Variants in SCARA3 observed in about 807,000 individuals in gnomAD.
SCARA3 encodes scavenger receptor class A member 3.
SCARA3 carries 39 observed loss-of-function variants against 47.0 expected under a neutral mutation model. The observed-to-expected ratio is 0.83, with a 90% CI of 0.64 to 1.08. The LOEUF (loss-of-function observed/expected upper bound fraction) is 1.08. Among genes scored for constraint, SCARA3 ranks in the 50% least tolerant of loss-of-function variants. The pLI is 0.00. For synonymous variants in SCARA3, 356 were observed against 334.1 expected (o/e 1.07, Z -0.71); for missense variants, 724 against 792.3 (o/e 0.91, Z 1.04).
the SCARA3 span, among the ~76,000 whole-genome samples, chr8:27,684,922 T>TA: frequency 6.6e-5 from 10 of 150,610 alleles, no homozygotes; most frequent in South Asian, 2.1e-4. Context: ...TTAATTAATG[T>TA]AAAAAAAAAG....
the SCARA3 span, among the ~76,000 whole-genome samples, chr8:27,711,605 A>T: frequency 6.6e-6 from 1 of 152,214 alleles, no homozygotes; most frequent in Non-Finnish European, 1.5e-5. Flanking sequence ...TAATCTAGGT[A>T]TAGGAAGTAC....
chr8:27,655,878 A>C (rs1020364476), intron 3 of SCARA3, among the ~76,000 whole-genome samples: 7 of 152,212 alleles, frequency 4.6e-5, no homozygotes, highest in Non-Finnish European at 8.8e-5. Flanking sequence ...CTGATAAAGC[A>C]GCATCAAAGA....
At chr8:27,661,407 TA>T (rs1241465909) in intron 5 of SCARA3, among the ~76,000 whole-genome samples, 1 of 152,210 alleles carries the variant, frequency 6.6e-6, no homozygotes, top group Non-Finnish European at 1.5e-5. Context: ...TTCTTTTGCT[TA>T]TACCCTGTAA....
intron 1 of SCARA3, among the ~76,000 whole-genome samples, chr8:27,634,788 G>C (rs886726246): frequency 2.6e-5 from 4 of 152,182 alleles, no homozygotes; most frequent in Admixed American, 6.5e-5. Context: ...GGCCAGGACT[G>C]ACCTCTCCCC....
rs1479541618 is a variant in SCARA3 at position 27,671,706 on chromosome 8, GCATGCACACATACA to G, written c.*366_*379del. 11 of 1,056,640 alleles carry G rather than the reference GCATGCACACATACA, an allele frequency of 1.0e-5. No homozygotes were observed. The highest frequency in any genetic ancestry group is 3.4e-5 in the African/African-American group (2 of 59,076). The allele number at this position is 1,056,640 out of a possible 1,614,324, so 65.5% of individuals were successfully genotyped here. ...CGTGCACACATACACAGGCACACAT[GCATGCACACATACA>G]CATGCACACACACATGCACACATAT... On this transcript the variant is annotated 3_prime_UTR_variant, in exon 6 of 6. Transcript: ENST00000301904.
At chr8:27,699,781 A>T in the SCARA3 span, among the ~76,000 whole-genome samples, 3 of 152,186 alleles carry the variant, frequency 2.0e-5, no homozygotes, top group South Asian at 2.1e-4. Flanking sequence ...ATAAAAATTT[A>T]AAATTTCAGA....
At chr8:27,660,853 GATAGA>G in intron 5 of SCARA3, among the ~76,000 whole-genome samples, 1 of 147,494 alleles carries the variant, frequency 6.8e-6, no homozygotes, top group East Asian at 2.0e-4. Flanking sequence ...TAGATAGATA[GATAGA>G]TAGATAGATA....
At chr8:27,646,972 G>GCCCCC (rs757314343) in intron 1 of SCARA3, among the ~76,000 whole-genome samples, 6 of 23,498 alleles carry the variant, frequency 2.6e-4, no homozygotes, top group Non-Finnish European at 2.9e-4. Context: ...GACCGCCCCC[G>GCCCCC]CCCCCCCCCC....
At chr8:27,720,234 G>GGAAGTGTGTATGGGGGGAGGGGGTTAGT in the SCARA3 span, among the ~76,000 whole-genome samples, 1 of 152,052 alleles carries the variant, frequency 6.6e-6, no homozygotes, top group Non-Finnish European at 1.5e-5. Context: ...GAGCAAGTCT[G>GGAAGTGTGTATGGGGGGAGGGGGTTAGT]AGTGGCGAGG....
chr8:27,696,908 T>C, the SCARA3 span, among the ~76,000 whole-genome samples: 49 of 152,284 alleles, frequency 3.2e-4, no homozygotes, highest in African/African-American at 1.0e-3. Context: ...ATGACTATCA[T>C]TGGGCATGAG....
chr8:27,676,831 C>T, downstream of SCARA3: 1 of 379,718 alleles, frequency 2.6e-6, no homozygotes, highest in Non-Finnish European at 4.7e-6. Context: ...GACACCACTG[C>T]TCAAACCCAA....
Position 27,649,766 on chromosome 8 carries a change from C to A in SCARA3, c.72C>A (p.Asp24Glu), listed in dbSNP as rs375333173. 3 of 1,614,124 alleles carry A rather than the reference C, an allele frequency of 1.9e-6. No homozygotes were observed. In the East Asian group the frequency reaches 6.7e-5, roughly 36 times the overall value. The change falls in exon 2 of 6, where the codon GAC (aspartate) becomes GAA (glutamate). Residue 24 changes from aspartate (D) to glutamate (E), a missense_variant. Coordinates refer to ENST00000301904, the MANE Select transcript of SCARA3 (RefSeq NM_016240.3). ...CVTEEDLAGD[D>E]EDMPTFPCTQ... Reference sequence around the variant, plus strand: ...CAGAAGAGGACCTGGCGGGTGACGACGAGGACATGCCGACCTTCCCATGCA... The same window carrying A: ...CAGAAGAGGACCTGGCGGGTGACGAAGAGGACATGCCGACCTTCCCATGCA...
intron 1 of SCARA3, among the ~76,000 whole-genome samples, chr8:27,640,017 C>T (rs1801349031): frequency 6.6e-6 from 1 of 151,318 alleles, no homozygotes. Context: ...CAGGGATGGC[C>T]CGTGCTCATT....
the SCARA3 span, among the ~76,000 whole-genome samples, chr8:27,714,481 C>A: frequency 6.6e-6 from 1 of 152,108 alleles, no homozygotes; most frequent in Non-Finnish European, 1.5e-5. Context: ...TTGTGAGCCA[C>A]CACGCCGGGC....
chr8:27,715,070 C>A, the SCARA3 span, among the ~76,000 whole-genome samples: 3 of 152,150 alleles, frequency 2.0e-5, no homozygotes, highest in Non-Finnish European at 4.4e-5. This position sits in a 1 kb window ranked among gnomAD's most constrained non-coding sequence, Gnocchi z 4.2. Flanking sequence ...TAGACACAAG[C>A]CACCATGCCT....
At chr8:27,716,045 C>G in the SCARA3 span, among the ~76,000 whole-genome samples, 2 of 152,158 alleles carry the variant, frequency 1.3e-5, no homozygotes, top group South Asian at 2.1e-4. Context: ...GTGGCTCATG[C>G]CTGTAATCCC....
At chr8:27,675,726 G>T (rs184544015), downstream of SCARA3, among the ~76,000 whole-genome samples, 2 of 152,174 alleles carry the variant, frequency 1.3e-5, no homozygotes, top group Admixed American at 6.5e-5. Flanking sequence ...GGAAGTGGAG[G>T]TTGCAGTGAG....
chr8:27,649,999 T>G lies in SCARA3; in HGVS notation c.106+199T>G, dbSNP rs34364727. Among the ~76,000 whole-genome samples, 232 of 151,410 alleles carry G rather than the reference T, an allele frequency of 1.5e-3. 6 individuals are homozygous for G. The East Asian group carries it at 0.023, about 15-fold the overall frequency. On this transcript the variant is annotated intron_variant, in intron 2 of 5. Transcript: ENST00000301904. ...CCAGTGAAGTCAAAGGAGTTTAATG[T>G]TTTTTTTTCTTAAAGACATGGTTTT...
downstream of SCARA3, among the ~76,000 whole-genome samples, chr8:27,673,971 G>A (rs563582342): frequency 4.6e-5 from 7 of 152,232 alleles, no homozygotes; most frequent in African/African-American, 1.7e-4. Context: ...GCACATCTGG[G>A]GCTGGAACTC....
Sources: gnomAD v4.1 joint callset for allele counts (sites outside exome capture counted in the v4.1 genomes callset) on GRCh38, gnomAD v4.1.1 for gene constraint, Gnocchi (gnomAD v3.1) non-coding constraint, MANE v1.5 for transcripts, NCBI Gene and HGNC (gene_info 2026-07-23, HGNC 2026-07-21) for gene names.